Variants in TRMT9B observed in about 807,000 individuals in gnomAD.
TRMT9B encodes probable tRNA methyltransferase 9B.
Under a neutral mutation model 11.5 loss-of-function variants are expected in TRMT9B, and 16 were observed. The ratio of observed to expected loss-of-function variants is 1.39; its 90% CI spans 0.94 to 2.11. The LOEUF is 2.11. Ranked by LOEUF, TRMT9B falls within the 30% of genes most tolerant of loss-of-function variation. TRMT9B has a pLI of 0.00. For synonymous variants in TRMT9B, 274 were observed against 192.4 expected (o/e 1.42, Z -3.51); for missense variants, 941 against 553.8 (o/e 1.70, Z -7.02).
At chr8:13,018,379 A>G (rs1451660196) in intron 4 of TRMT9B, among the ~76,000 whole-genome samples, 8 of 139,678 alleles carry the variant, frequency 5.7e-5, no homozygotes, top group African/African-American at 2.1e-4. Flanking sequence ...CCTGGGTGAC[A>G]GAGCAAGACC....
chr8:12,966,494 C>G (rs1271487096), intron 1 of TRMT9B, among the ~76,000 whole-genome samples: 2 of 152,004 alleles, frequency 1.3e-5, no homozygotes, highest in Non-Finnish European at 2.9e-5. Context: ...CCTATGTTAC[C>G]AATAAAAAAT....
At chr8:12,984,981 ACACACACTCT>A (rs1563361550) in intron 1 of TRMT9B, among the ~76,000 whole-genome samples, 37 of 130,620 alleles carry the variant, frequency 2.8e-4, no homozygotes, top group South Asian at 7.7e-4. Flanking sequence ...ACACACACAC[ACACACACTCT>A]CTCTCTCACA....
chr8:12,979,752 C>G (rs1053711353), intron 1 of TRMT9B, among the ~76,000 whole-genome samples: 5 of 152,056 alleles, frequency 3.3e-5, no homozygotes, highest in Non-Finnish European at 7.4e-5. Flanking sequence ...TTGGAATGGC[C>G]GGAACAATGA....
chr8:12,959,696 G>C (rs1801826348), intron 1 of TRMT9B, among the ~76,000 whole-genome samples: 2 of 151,314 alleles, frequency 1.3e-5, no homozygotes. Flanking sequence ...ACTTTGTTTA[G>C]TTTTTGTGTA....
intron 1 of TRMT9B, among the ~76,000 whole-genome samples, chr8:12,958,037 C>T (rs939598773): frequency 6.6e-6 from 1 of 152,090 alleles, no homozygotes; most frequent in Non-Finnish European, 1.5e-5. Flanking sequence ...TTTCACCCGG[C>T]TGATAAAGAC....
intron 1 of TRMT9B, among the ~76,000 whole-genome samples, chr8:12,959,774 C>T (rs1048382173): frequency 1.2e-4 from 19 of 152,002 alleles, no homozygotes; most frequent in African/African-American, 4.6e-4. Flanking sequence ...AGCGATCCTC[C>T]CACCTCAGCT....
Position 13,025,762 on chromosome 8 carries a change from T to C in TRMT9B, c.*3718T>C, listed in dbSNP as rs1241820122. ...GCTACACAAACGTCTTGGAGTTTGG[T>C]TTCGTTCTCTTTTCTCATCATAGAT... is the stretch of plus-strand genomic sequence containing the variant. On this transcript the variant is annotated 3_prime_UTR_variant, in exon 5 of 5. Transcript: ENST00000524591. 6.0e-6 allele frequency: 1 copy of C among 166,940 alleles called. No individual in the cohort carries two copies. Among genetic ancestry groups the C allele is most frequent in the Non-Finnish European group, 1.5e-5 (1 of 68,116 alleles). 10.3% of individuals were successfully genotyped at this position (166,940 alleles called of 1,614,324 possible).
intron 2 of TRMT9B, among the ~76,000 whole-genome samples, chr8:13,000,919 T>C (rs918484735): frequency 6.6e-6 from 1 of 152,086 alleles, no homozygotes; most frequent in Non-Finnish European, 1.5e-5. Flanking sequence ...ATGAAGTACC[T>C]CAGGACGCAA....
intron 1 of TRMT9B, among the ~76,000 whole-genome samples, chr8:12,986,100 G>A (rs1318172062): frequency 6.6e-6 from 1 of 152,136 alleles, no homozygotes; most frequent in Non-Finnish European, 1.5e-5. Flanking sequence ...GACCTCAGGT[G>A]ATCTGCCTAT....
intron 2 of TRMT9B, among the ~76,000 whole-genome samples, chr8:12,996,859 C>G (rs1276904236): frequency 6.6e-6 from 1 of 152,148 alleles, no homozygotes; most frequent in Non-Finnish European, 1.5e-5. Flanking sequence ...CCCCAGTGCT[C>G]CCTGCCAGCT....
intron 4 of TRMT9B, among the ~76,000 whole-genome samples, chr8:13,017,087 C>T (rs1216254167): frequency 1.3e-5 from 2 of 151,742 alleles, no homozygotes; most frequent in Non-Finnish European, 2.9e-5. Context: ...CACACCACTG[C>T]ACTCCAGCCT....
rs560075298 is a variant in TRMT9B, at chr8:13,021,455, C to T, written c.776C>T (p.Ser259Leu). 1.4e-5 allele frequency: 23 copies of T among 1,614,002 alleles called. 1 individual carries two copies. In the East Asian group the frequency reaches 2.2e-4, roughly 16 times the overall value. The change falls in exon 5 of 5, where the codon TCG becomes TTG. Residue 259 changes from serine to leucine, a missense_variant. Transcript: ENST00000524591. The part of the protein sequence containing the change: ...SWFFSRSLDE[S>L]TLRKQIERVR... ...TTTTTCTCCAGATCTTTGGATGAAT[C>T]GACTCTGAGGAAGCAAATTGAAAGA...
chr8:12,971,254 CT>C (rs969127298), intron 1 of TRMT9B, among the ~76,000 whole-genome samples: 11 of 151,036 alleles, frequency 7.3e-5, no homozygotes, highest in African/African-American at 2.7e-4. Context: ...CAATTTTTTT[CT>C]TTTTTTGTTT....
intron 1 of TRMT9B, among the ~76,000 whole-genome samples, chr8:12,958,990 G>A (rs1030505512): frequency 7.2e-5 from 11 of 152,134 alleles, no homozygotes; most frequent in African/African-American, 2.7e-4. Context: ...AATATCTAAT[G>A]TAAATGACAA....
At chr8:13,014,906 C>G (rs1812337752) in intron 4 of TRMT9B, among the ~76,000 whole-genome samples, 1 of 151,798 alleles carries the variant, frequency 6.6e-6, no homozygotes, top group African/African-American at 2.4e-5. Context: ...ACTAAAAATG[C>G]AAAAATTAGC....
chr8:12,968,912 A>G (rs1803192103), intron 1 of TRMT9B, among the ~76,000 whole-genome samples: 1 of 152,100 alleles, frequency 6.6e-6, no homozygotes, highest in African/African-American at 2.4e-5. Flanking sequence ...ACACATATTT[A>G]TATAAAACCG....
intron 3 of TRMT9B, among the ~76,000 whole-genome samples, chr8:13,009,186 T>C (rs1369964738): frequency 2.0e-5 from 3 of 152,164 alleles, no homozygotes; most frequent in African/African-American, 7.2e-5. Flanking sequence ...CACTTATACA[T>C]GGGATCTAAA....
intron 2 of TRMT9B, among the ~76,000 whole-genome samples, chr8:12,996,852 C>T (rs1356521923): frequency 1.3e-5 from 2 of 152,188 alleles, no homozygotes; most frequent in East Asian, 3.8e-4. Flanking sequence ...TCCCAACCCC[C>T]AGTGCTCCCT....
At chr8:12,964,224 C>A (rs751488939) in intron 1 of TRMT9B, among the ~76,000 whole-genome samples, 1 of 152,096 alleles carries the variant, frequency 6.6e-6, no homozygotes, top group Non-Finnish European at 1.5e-5. Flanking sequence ...TTTTGAAAAA[C>A]ATTATTTTAC....
Sources: gnomAD v4.1 joint callset for allele counts (sites outside exome capture counted in the v4.1 genomes callset) on GRCh38, gnomAD v4.1.1 for gene constraint, MANE v1.5 for transcripts, NCBI Gene and HGNC (gene_info 2026-07-23, HGNC 2026-07-21) for gene names.